RGS22: variants seen among roughly 807,000 people sequenced by gnomAD.
The protein encoded by RGS22 is regulator of G-protein signaling 22.
In RGS22, 148 loss-of-function variants were observed where a neutral mutation model predicts 172.9. The ratio of observed to expected loss-of-function variants is 0.86; its 90% CI spans 0.75 to 0.98. The LOEUF is 0.98. RGS22 is among the 50% of genes least tolerant of loss of function. The pLI, the probability that RGS22 is intolerant of heterozygous loss-of-function variation, is 0.00. For missense variants in RGS22, 1,347 were observed against 1,440.8 expected (o/e 0.93, Z 1.05); for synonymous variants, 458 against 480.2 (o/e 0.95, Z 0.60).
At position 100,003,973 on chromosome 8, in the gene RGS22, TTTG is replaced by T; in HGVS notation, c.2577_2579del (p.Asn859del). On this transcript the variant is annotated inframe_deletion, in exon 17 of 28. Coordinates refer to ENST00000360863, the MANE Select transcript of RGS22 (RefSeq NM_015668.5). Reference sequence around the variant, plus strand: ...ACTGACGGAAATGTTCAAACTCCAGTTTGTTGTTAAGCAGATCACTAAACTTAA... The same window carrying T: ...ACTGACGGAAATGTTCAAACTCCAGTTTGTTAAGCAGATCACTAAACTTAA... 1.2e-6 allele frequency: 2 copies of T among 1,610,776 alleles called. No homozygotes were observed. Among genetic ancestry groups the T allele is most frequent in the Non-Finnish European group, 1.7e-6 (2 of 1,178,132 alleles).
chr8:100,003,384 T>C (rs755800944), intron 17 of RGS22, among the ~76,000 whole-genome samples: 1 of 151,840 alleles, frequency 6.6e-6, no homozygotes, highest in African/African-American at 2.4e-5. Flanking sequence ...ACAGTGAAAT[T>C]TGGCTCCCAG....
chr8:99,978,472 G>T (rs1413329738), intron 22 of RGS22, among the ~76,000 whole-genome samples: 1 of 152,014 alleles, frequency 6.6e-6, no homozygotes. Flanking sequence ...AGTTCATCAA[G>T]GAAACTCCCT....
At chr8:100,073,699 A>G (rs550518373) in intron 4 of RGS22, among the ~76,000 whole-genome samples, 23 of 152,344 alleles carry the variant, frequency 1.5e-4, no homozygotes, top group Admixed American at 1.2e-3. Flanking sequence ...CAAACTACAT[A>G]TAAAGATCCA....
intron 23 of RGS22, among the ~76,000 whole-genome samples, chr8:99,969,290 C>T (rs1811080758): frequency 6.6e-6 from 1 of 152,090 alleles, no homozygotes; most frequent in Admixed American, 6.5e-5. Context: ...CAAAAACATA[C>T]CAAAATGGAA....
chr8:100,008,892 T>C (rs550928309), intron 14 of RGS22, among the ~76,000 whole-genome samples: 1 of 152,156 alleles, frequency 6.6e-6, no homozygotes, highest in Non-Finnish European at 1.5e-5. Context: ...ACAACATTTC[T>C]AAAACACTTG....
At chr8:99,996,341 A>C in intron 20 of RGS22, 121 bp downstream of exon 20, 1 of 736,916 alleles carries the variant, frequency 1.4e-6, no homozygotes, top group South Asian at 1.7e-5. Context: ...ATCAGTGCTC[A>C]GTTGTCAGTT....
chr8:99,964,477 CA>C (rs34613354), intron 24 of RGS22, among the ~76,000 whole-genome samples: 1,640 of 55,274 alleles, frequency 0.03, 20 homozygotes, highest in African/African-American at 0.08. Context: ...GACCCTGTCT[CA>C]AAAAAAAAAA....
chr8:100,012,465 T>G (rs374095157), intron 14 of RGS22, among the ~76,000 whole-genome samples: 1 of 152,068 alleles, frequency 6.6e-6, no homozygotes, highest in Non-Finnish European at 1.5e-5. Context: ...TCCTGTAGTT[T>G]CAACATTTTG....
intron 1 of RGS22, 79 bp from the exon 2 acceptor site, chr8:100,105,481 C>A (rs756906069): frequency 5.1e-5 from 62 of 1,208,190 alleles, no homozygotes; most frequent in Non-Finnish European, 4.8e-5. Context: ...GAGACAGCAC[C>A]TAGCCCTACG....
rs1005319023 is a variant in RGS22 at position 99,970,853 on chromosome 8, G to C, written c.3520-5423C>G. ...GAAACTATTCCAAACAATAGAAAAA[G>C]AGGGGCTCCTCCCTAACTCATTTTA... On this transcript the variant is annotated intron_variant, in intron 23 of 27. Transcript: ENST00000360863. Among the ~76,000 whole-genome samples the C allele has an allele frequency of 2.0e-5, 3 of 152,156 alleles. No homozygotes were observed. In the South Asian group the frequency reaches 6.2e-4, roughly 31 times the overall value.
chr8:100,013,702 A>T (rs1816659895), intron 14 of RGS22, among the ~76,000 whole-genome samples: 2 of 152,222 alleles, frequency 1.3e-5, no homozygotes, highest in Middle Eastern at 3.4e-3. Context: ...CTCTGACCAT[A>T]CTTTTCATCT....
intron 6 of RGS22, among the ~76,000 whole-genome samples, chr8:100,066,875 C>T (rs1387109287): frequency 6.6e-6 from 1 of 152,124 alleles, no homozygotes; most frequent in Non-Finnish European, 1.5e-5. Context: ...ACTCCATCTG[C>T]CCCTGAATGG....
At chr8:99,968,957 A>G (rs1168378005) in intron 23 of RGS22, among the ~76,000 whole-genome samples, 5 of 152,160 alleles carry the variant, frequency 3.3e-5, no homozygotes, top group African/African-American at 1.2e-4. Flanking sequence ...AATGAAGGAA[A>G]AAATATTAGG....
intron 3 of RGS22, among the ~76,000 whole-genome samples, chr8:100,088,219 G>C (rs1812303844): frequency 6.6e-6 from 1 of 152,066 alleles, no homozygotes; most frequent in African/African-American, 2.4e-5. Flanking sequence ...AAGAAGTTAT[G>C]GTAAAATTTC....
At chr8:100,086,124 G>C (rs1812142236) in intron 3 of RGS22, among the ~76,000 whole-genome samples, 2 of 151,948 alleles carry the variant, frequency 1.3e-5, no homozygotes, top group African/African-American at 2.4e-5. Flanking sequence ...AAAAGTAATA[G>C]CCAATGCATC....
At chr8:99,976,892 C>T (rs1450530794) in intron 23 of RGS22, among the ~76,000 whole-genome samples, 2 of 152,048 alleles carry the variant, frequency 1.3e-5, no homozygotes, top group Non-Finnish European at 2.9e-5. Context: ...CTTTCCGTGT[C>T]TTTTACATTT....
At chr8:99,982,142 T>G (rs1812619809) in intron 21 of RGS22, 26 bp from the exon 22 acceptor site, 1 of 1,555,792 alleles carries the variant, frequency 6.4e-7, no homozygotes, top group Non-Finnish European at 8.7e-7. Flanking sequence ...GATAGAATGG[T>G]ATATAATTAA....
At position 100,073,429 on chromosome 8, in the gene RGS22, CAA is replaced by C. The variant is rs10716433; in HGVS notation, c.340-1201_340-1200del. ...TCCTTCTAATCAGCAAAAAACAAAA[CAA>C]AAAAAAAAAACAAAAAAAACATGTA... On this transcript the variant is annotated intron_variant, in intron 4 of 27. Coordinates refer to ENST00000360863, the MANE Select transcript of RGS22 (RefSeq NM_015668.5). 2.0e-3 allele frequency among the ~76,000 whole-genome samples: 278 copies of C among 142,522 alleles called. 1 individual carries two copies. The highest frequency in any genetic ancestry group is 0.011 in the East Asian group (53 of 4,780). The allele number at this position is 142,522 out of a possible 152,430, so 93.5% of individuals were successfully genotyped here. A position where few individuals can be genotyped will look rare whatever the true frequency, so the allele number is the denominator to read the frequency against.
chr8:100,078,568 G>A (rs1213863981), intron 4 of RGS22, among the ~76,000 whole-genome samples: 1 of 151,538 alleles, frequency 6.6e-6, no homozygotes, highest in Non-Finnish European at 1.5e-5. Flanking sequence ...TTTTCTGTCT[G>A]CTTTCCATTT....
Sources: gnomAD v4.1 joint callset for allele counts (sites outside exome capture counted in the v4.1 genomes callset) on GRCh38, gnomAD v4.1.1 for gene constraint, MANE v1.5 for transcripts, NCBI Gene and HGNC (gene_info 2026-07-23, HGNC 2026-07-21) for gene names.